Variants in FAM135B observed in about 807,000 individuals in gnomAD.
The protein encoded by FAM135B is protein FAM135B.
A neutral mutation model predicts 127.7 loss-of-function variants in FAM135B; 43 were observed. The ratio of observed to expected loss-of-function variants is 0.34; its 90% CI spans 0.26 to 0.43. The LOEUF (loss-of-function observed/expected upper bound fraction) is 0.43, where lower values mean the gene tolerates loss of function less well. FAM135B is among the 20% of genes least tolerant of loss of function. The pLI is 1.00. For synonymous variants in FAM135B, 670 were observed against 665.1 expected (o/e 1.01, Z -0.11); for missense variants, 1,558 against 1,725.6 (o/e 0.90, Z 1.72).
At chr8:138,182,731 AG>A (rs1001762838) in intron 9 of FAM135B, among the ~76,000 whole-genome samples, 1 of 152,232 alleles carries the variant, frequency 6.6e-6, no homozygotes, top group African/African-American at 2.4e-5. Context: ...CAAGGTGAAT[AG>A]ACATTAAGTC....
intron 1 of FAM135B, among the ~76,000 whole-genome samples, chr8:138,463,287 A>G (rs1216180123): frequency 3.3e-5 from 5 of 152,200 alleles, no homozygotes; most frequent in African/African-American, 4.8e-5. Context: ...ATTATAATTC[A>G]AAGGAGAACA....
chr8:138,364,255 G>A (rs1392981973), intron 2 of FAM135B, among the ~76,000 whole-genome samples: 1 of 152,054 alleles, frequency 6.6e-6, no homozygotes, highest in African/African-American at 2.4e-5. Flanking sequence ...TGCCTGTCAG[G>A]AACACCCCCG....
chr8:138,149,135 AAAAAT>A (rs1489364553), intron 13 of FAM135B, among the ~76,000 whole-genome samples: 1 of 79,288 alleles, frequency 1.3e-5, no homozygotes, highest in Non-Finnish European at 2.6e-5. Context: ...ATAATAATAA[AAAAAT>A]AAATAAATAA....
intron 6 of FAM135B, among the ~76,000 whole-genome samples, chr8:138,245,194 A>G (rs1821182017): frequency 6.6e-6 from 1 of 152,210 alleles, no homozygotes; most frequent in South Asian, 2.1e-4. Flanking sequence ...ACAAACTTGC[A>G]AAAGACTCTT....
intron 16 of FAM135B, chr8:138,142,797 A>T (rs1046588298): frequency 2.6e-5 from 12 of 457,132 alleles, no homozygotes. Context: ...ACAGAACTAC[A>T]AAATTTTTAT....
intron 1 of FAM135B, among the ~76,000 whole-genome samples, chr8:138,395,061 G>T (rs537764621): frequency 6.6e-6 from 1 of 152,236 alleles, no homozygotes; most frequent in African/African-American, 2.4e-5. Flanking sequence ...CCCAGCCCCT[G>T]CTGGCCAGTG....
intron 3 of FAM135B, among the ~76,000 whole-genome samples, chr8:138,286,258 G>C (rs1824678581): frequency 6.6e-6 from 1 of 152,240 alleles, no homozygotes; most frequent in Non-Finnish European, 1.5e-5. Flanking sequence ...TGAGGGAGCA[G>C]ATTCAGAAGC....
intron 11 of FAM135B, among the ~76,000 whole-genome samples, chr8:138,176,013 G>T (rs1465267589): frequency 6.6e-6 from 1 of 152,182 alleles, no homozygotes; most frequent in Non-Finnish European, 1.5e-5. Context: ...CTTACCCACT[G>T]TGTGGATAAG....
intron 9 of FAM135B, among the ~76,000 whole-genome samples, chr8:138,182,872 G>T (rs1319747764): frequency 6.6e-6 from 1 of 152,198 alleles, no homozygotes; most frequent in Non-Finnish European, 1.5e-5. Context: ...ATTCTCTGAG[G>T]GTGTGGCCTA....
chr8:138,262,503 T>C (rs1822606013), intron 4 of FAM135B, among the ~76,000 whole-genome samples: 1 of 152,078 alleles, frequency 6.6e-6, no homozygotes, highest in African/African-American at 2.4e-5. Context: ...AAACTAAAGG[T>C]ATTAACTTGA....
intron 2 of FAM135B, among the ~76,000 whole-genome samples, chr8:138,363,526 T>TA (rs1352833050): frequency 6.6e-6 from 1 of 152,152 alleles, no homozygotes; most frequent in East Asian, 1.9e-4. Flanking sequence ...GTGGGGGTGA[T>TA]ATCGTATGAT....
At chr8:138,380,948 G>C (rs773858475) in intron 1 of FAM135B, among the ~76,000 whole-genome samples, 2 of 151,142 alleles carry the variant, frequency 1.3e-5, no homozygotes, top group African/African-American at 2.4e-5. Flanking sequence ...CCTCATATTA[G>C]AGCAACAAAA....
At chr8:138,322,830 A>G (rs1587088352) in intron 2 of FAM135B, among the ~76,000 whole-genome samples, 1 of 152,052 alleles carries the variant, frequency 6.6e-6, no homozygotes, top group Non-Finnish European at 1.5e-5. Context: ...GCTAGCCCCC[A>G]CCTGACAAGG....
intron 13 of FAM135B, among the ~76,000 whole-genome samples, chr8:138,150,470 C>T (rs1818029957): frequency 6.6e-6 from 1 of 152,050 alleles, no homozygotes; most frequent in Non-Finnish European, 1.5e-5. Context: ...GAGATCGAGA[C>T]CATCCTAGCC....
chr8:138,188,973 A>C (rs1815847806), intron 9 of FAM135B, among the ~76,000 whole-genome samples: 3 of 152,224 alleles, frequency 2.0e-5, no homozygotes, highest in Admixed American at 6.5e-5. Context: ...CCCCACCCTC[A>C]GTCCTGGAAC....
chr8:138,208,618 T>C (rs903414790), intron 7 of FAM135B, among the ~76,000 whole-genome samples: 3 of 152,240 alleles, frequency 2.0e-5, no homozygotes, highest in African/African-American at 7.2e-5. Context: ...AGAGGAAAGA[T>C]CCAGGGTCAA....
chr8:138,321,407 C>T (rs1827446774), intron 2 of FAM135B, among the ~76,000 whole-genome samples: 1 of 152,156 alleles, frequency 6.6e-6, no homozygotes, highest in African/African-American at 2.4e-5. Context: ...CTGCGGGATA[C>T]AGTATATGAT....
intron 3 of FAM135B, among the ~76,000 whole-genome samples, chr8:138,308,364 A>G (rs1319266803): frequency 6.6e-6 from 1 of 152,208 alleles, no homozygotes; most frequent in Non-Finnish European, 1.5e-5. Flanking sequence ...AAACATTATA[A>G]AAGAATAAGC....
Position 138,243,153 on chromosome 8 carries a change from T to G in FAM135B, c.543-85A>C, listed in dbSNP as rs1246834461. ...ACTCAGCCCCTTTGAGGAGTGTTCC[T>G]GTGAAGCATTTGGGATAAGTCATTT... is the stretch of plus-strand genomic sequence containing the variant. On this transcript the variant is annotated intron_variant, in intron 6 of 19. Coordinates refer to ENST00000395297, the MANE Select transcript of FAM135B (RefSeq NM_015912.4). This position sits in a 1 kb window ranked among gnomAD's most constrained non-coding sequence, Gnocchi z 7.5. 13 of 1,478,784 alleles carry G rather than the reference T, an allele frequency of 8.8e-6. No individual in the cohort carries two copies. The South Asian group carries it at 1.4e-4, about 16-fold the overall frequency. The allele number at this position is 1,478,784 out of a possible 1,614,324, so 91.6% of individuals were successfully genotyped here. A position where few individuals can be genotyped will look rare whatever the true frequency, so the allele number is the denominator to read the frequency against.
Sources: gnomAD v4.1 joint callset for allele counts (sites outside exome capture counted in the v4.1 genomes callset) on GRCh38, gnomAD v4.1.1 for gene constraint, Gnocchi (gnomAD v3.1) non-coding constraint, MANE v1.5 for transcripts, NCBI Gene and HGNC (gene_info 2026-07-23, HGNC 2026-07-21) for gene names.